ARRB2: variants seen among roughly 807,000 people sequenced by gnomAD.
ARRB2 encodes arrestin beta 2, also known as beta-arrestin-2.
A neutral mutation model predicts 53.4 loss-of-function variants in ARRB2; 21 were observed. The ratio of observed to expected loss-of-function variants is 0.39; its 90% CI spans 0.28 to 0.57. ARRB2 has a LOEUF of 0.57. Ranked by LOEUF, ARRB2 falls within the 20% of genes least tolerant of loss-of-function variation. The probability of loss-of-function intolerance (pLI) is 0.55; values close to 1 mark genes in which losing one functional copy is unlikely to be tolerated. For synonymous variants in ARRB2, 180 were observed against 212.9 expected, an observed-to-expected ratio of 0.85 and a Z score of 1.34; for missense variants, 369 against 527.5, an observed-to-expected ratio of 0.70 and a Z score of 2.94.
chr17:4,718,758 G>T, intron 10 of ARRB2, 74 bp downstream of exon 10: 28 of 1,241,510 alleles, frequency 2.3e-5, no homozygotes, highest in Non-Finnish European at 2.7e-5. Context: ...GGTGGAGGAA[G>T]AATTCTTCCT....
chr17:4,718,406 G>T, intron 9 of ARRB2, 61 bp downstream of exon 9: 3 of 1,540,002 alleles, frequency 1.9e-6, no homozygotes, highest in Non-Finnish European at 2.7e-6. Flanking sequence ...GGTGGCTCCT[G>T]GTGTGATCTC....
At chr17:4,715,488 C>CACACACACACACACAG (rs1555559470) in intron 2 of ARRB2, 119 of 146,522 alleles carry the variant, frequency 8.1e-4, no homozygotes, top group South Asian at 1.1e-3. Flanking sequence ...CACACACAGA[C>CACACACACACACACAG]ACACACACAC....
intron 2 of ARRB2, chr17:4,715,717 A>T (rs1262933968): frequency 2.2e-6 from 1 of 459,268 alleles, no homozygotes; most frequent in Admixed American, 3.8e-5. Flanking sequence ...ACACACACAC[A>T]CACACACAAA....
intron 2 of ARRB2, 175 bp downstream of exon 2, chr17:4,715,218 G>A: frequency 1.3e-6 from 1 of 765,810 alleles, no homozygotes; most frequent in Non-Finnish European, 2.0e-6. Flanking sequence ...CGCAGAGGCT[G>A]CTCAGCCTGA....
intron 1 of ARRB2, among the ~76,000 whole-genome samples, chr17:4,710,969 G>A (rs772114076): frequency 6.6e-6 from 1 of 152,100 alleles, no homozygotes; most frequent in Non-Finnish European, 1.5e-5. Context: ...CAGAAAAACC[G>A]GTGTCGGGGT....
At chr17:4,719,130 T>G (rs1327257769) in intron 10 of ARRB2, among the ~76,000 whole-genome samples, 153 bp from the exon 11 acceptor site, 1 of 152,190 alleles carries the variant, frequency 6.6e-6, no homozygotes, top group Non-Finnish European at 1.5e-5. Context: ...CTGTTAATTT[T>G]CTTGAGCACG....
At chr17:4,712,088 CTGAT>C (rs1250695310) in intron 1 of ARRB2, among the ~76,000 whole-genome samples, 2 of 152,228 alleles carry the variant, frequency 1.3e-5, no homozygotes, top group African/African-American at 4.8e-5. Context: ...AGTTGGCCCA[CTGAT>C]TGTGGCTGTC....
chr17:4,718,928 T>C (rs1597485934), intron 10 of ARRB2, among the ~76,000 whole-genome samples: 1 of 151,728 alleles, frequency 6.6e-6, no homozygotes, highest in Admixed American at 6.6e-5. Flanking sequence ...ACTACAGGCA[T>C]GCACCACCAT....
chr17:4,718,239 C>T, intron 8 of ARRB2, 22 bp from the exon 9 acceptor site: 1 of 1,602,794 alleles, frequency 6.2e-7, no homozygotes. Flanking sequence ...TTCCAATTCA[C>T]ATGACCCCCT....
chr17:4,720,484 A>G lies in ARRB2; in HGVS notation c.1081+12A>G. The G allele has an allele frequency of 6.2e-7, 1 of 1,604,618 alleles. No individual in the cohort carries two copies. Among genetic ancestry groups the G allele is most frequent in the Non-Finnish European group, 8.5e-7 (1 of 1,174,536 alleles). ...CAGACCCCAGTCAGGTGAGCACACT[A>G]CCCACCCCAAGCCCTCAGAGGGAGG... On this transcript the variant is annotated intron_variant, in intron 13 of 14. Coordinates refer to ENST00000269260, the MANE Select transcript of ARRB2 (RefSeq NM_004313.4).
intron 11 of ARRB2, 130 bp from the exon 12 acceptor site, chr17:4,720,086 G>C: frequency 3.3e-6 from 3 of 906,594 alleles, no homozygotes; most frequent in Non-Finnish European, 5.2e-6. Flanking sequence ...TAACCGCACG[G>C]CCTGGGCTGC....
intron 11 of ARRB2, 53 bp from the exon 12 acceptor site, chr17:4,720,163 G>A (rs1330102201): frequency 6.4e-7 from 1 of 1,557,236 alleles, no homozygotes; most frequent in Non-Finnish European, 8.7e-7. Flanking sequence ...CCCACGGTGG[G>A]CCAGGTGACA....
At chr17:4,716,230 G>A in intron 4 of ARRB2, 39 bp downstream of exon 4, 1 of 1,613,198 alleles carries the variant, frequency 6.2e-7, no homozygotes, top group Non-Finnish European at 8.5e-7. Context: ...GGAAAGTGGG[G>A]GCTAGGGAAG....
intron 1 of ARRB2, among the ~76,000 whole-genome samples, chr17:4,712,130 G>A (rs1386538198): frequency 6.6e-6 from 1 of 152,244 alleles, no homozygotes; most frequent in Non-Finnish European, 1.5e-5. Flanking sequence ...CTCCTAATGG[G>A]AGGACACCCT....
intron 8 of ARRB2, 33 bp downstream of exon 8, chr17:4,718,056 G>T (rs370861219): frequency 8.6e-5 from 138 of 1,611,124 alleles, no homozygotes; most frequent in Non-Finnish European, 1.2e-4. Context: ...GGATGCCACG[G>T]TGCAGTTTAG....
rs765649073 is a variant in ARRB2, at chr17:4,721,016, G to A, written c.1207G>A (p.Asp403Asn). 53 of 1,613,742 alleles carry A rather than the reference G, an allele frequency of 3.3e-5. No homozygotes were observed. The highest frequency in any genetic ancestry group is 4.3e-5 in the Non-Finnish European group (51 of 1,179,922). Residue 403 changes from aspartate to asparagine, a missense_variant, in exon 15 of 15, where the codon GAC becomes AAC. Coordinates refer to ENST00000269260, the MANE Select transcript of ARRB2 (RefSeq NM_004313.4). The surrounding 1 kb of genome is among the most constrained non-coding windows in gnomAD (Gnocchi z 4.2). ...RLRLKGMKDD[D>N]YDDQLC The stretch of plus-strand genomic sequence containing the variant: ...TCGGCTGAAGGGGATGAAGGATGAC[G>A]ACTATGATGATCAACTCTGCTAGGA...
intron 11 of ARRB2, among the ~76,000 whole-genome samples, chr17:4,719,896 A>T (rs779482520): frequency 6.6e-6 from 1 of 152,156 alleles, no homozygotes; most frequent in Non-Finnish European, 1.5e-5. Flanking sequence ...ACAGCCACAC[A>T]CAGCAGGCCC....
chr17:4,718,753 A>T, intron 10 of ARRB2, 69 bp downstream of exon 10: 28 of 1,265,128 alleles, frequency 2.2e-5, no homozygotes, highest in Non-Finnish European at 2.8e-5. Context: ...TGTGAGGTGG[A>T]GGAAGAATTC....
chr17:4,711,885 G>A (rs535847913), intron 1 of ARRB2, among the ~76,000 whole-genome samples: 1 of 152,212 alleles, frequency 6.6e-6, no homozygotes, highest in Non-Finnish European at 1.5e-5. Context: ...AGCAGGAAGT[G>A]TGAAAGGACA....
Sources: gnomAD v4.1 joint callset for allele counts (sites outside exome capture counted in the v4.1 genomes callset) on GRCh38, gnomAD v4.1.1 for gene constraint, Gnocchi (gnomAD v3.1) non-coding constraint, MANE v1.5 for transcripts, NCBI Gene and HGNC (gene_info 2026-07-23, HGNC 2026-07-21) for gene names.